The following CDH12 variants were observed in gnomAD, a reference collection of about 807,000 sequenced individuals.
CDH12 encodes cadherin 12.
In CDH12, 41 loss-of-function variants were observed where a neutral mutation model predicts 74.1. The ratio of observed to expected loss-of-function variants is 0.55; its 90% CI spans 0.43 to 0.72. The LOEUF (loss-of-function observed/expected upper bound fraction) is 0.72, where lower values mean the gene tolerates loss of function less well. Among genes scored for constraint, CDH12 ranks in the 30% least tolerant of loss-of-function variants. CDH12 has a pLI of 0.00. For synonymous variants in CDH12, 399 were observed against 355.0 expected (o/e 1.12, Z -1.39); for missense variants, 945 against 977.2 (o/e 0.97, Z 0.44).
intron 6 of CDH12, among the ~76,000 whole-genome samples, chr5:21,965,091 C>T (rs1756521558): frequency 6.6e-6 from 1 of 151,918 alleles, no homozygotes; most frequent in South Asian, 2.1e-4. Context: ...TAAATAAGCA[C>T]TTAATGCTAG....
At chr5:22,701,738 C>T (rs1742725492) in intron 1 of CDH12, among the ~76,000 whole-genome samples, 2 of 152,144 alleles carry the variant, frequency 1.3e-5, no homozygotes, top group African/African-American at 4.8e-5. Context: ...ACACTATCTT[C>T]TGAAAACCTT....
chr5:22,796,426 T>C (rs944304602), intron 1 of CDH12, among the ~76,000 whole-genome samples: 2 of 152,146 alleles, frequency 1.3e-5, no homozygotes, highest in African/African-American at 4.8e-5. Context: ...TGCATTTCAG[T>C]TATTAGTAGG....
At chr5:21,777,919 A>G (rs897421137) in intron 11 of CDH12, among the ~76,000 whole-genome samples, 1 of 152,218 alleles carries the variant, frequency 6.6e-6, no homozygotes, top group Non-Finnish European at 1.5e-5. Flanking sequence ...TAACATATGC[A>G]CTACCTCACA....
intron 3 of CDH12, among the ~76,000 whole-genome samples, chr5:22,275,539 A>G (rs1312947888): frequency 6.6e-6 from 1 of 152,138 alleles, no homozygotes; most frequent in African/African-American, 2.4e-5. Context: ...GTTTTGAGTC[A>G]TGGTAGTTGA....
chr5:22,031,445 T>A (rs1443694910), intron 5 of CDH12, among the ~76,000 whole-genome samples: 1 of 152,204 alleles, frequency 6.6e-6, no homozygotes, highest in Non-Finnish European at 1.5e-5. Context: ...TTTCACTTTA[T>A]TATCATTCAT....
intron 5 of CDH12, among the ~76,000 whole-genome samples, chr5:22,072,590 A>G (rs1357125040): frequency 6.6e-6 from 1 of 150,504 alleles, no homozygotes; most frequent in African/African-American, 2.4e-5. Flanking sequence ...TATTATTATT[A>G]TACTTTAAGT....
intron 1 of CDH12, among the ~76,000 whole-genome samples, chr5:22,519,424 CTTTTT>C (rs373678915): frequency 1.4e-5 from 2 of 140,724 alleles, no homozygotes; most frequent in Non-Finnish European, 1.6e-5. Context: ...TATCCACACT[CTTTTT>C]TTTTTTTTTT....
At chr5:22,180,059 T>A (rs1368630415) in intron 4 of CDH12, among the ~76,000 whole-genome samples, 1 of 152,124 alleles carries the variant, frequency 6.6e-6, no homozygotes, top group Non-Finnish European at 1.5e-5. Flanking sequence ...GGAGATTAGA[T>A]CTCATTAATT....
intron 2 of CDH12, among the ~76,000 whole-genome samples, chr5:22,434,165 T>TA (rs1016052340): frequency 6.6e-6 from 1 of 151,794 alleles, no homozygotes; most frequent in Non-Finnish European, 1.5e-5. Context: ...ATACAAACTC[T>TA]ATAGAGTGTT....
At chr5:22,219,519 T>C (rs1288206139) in intron 3 of CDH12, among the ~76,000 whole-genome samples, 1 of 151,742 alleles carries the variant, frequency 6.6e-6, no homozygotes, top group Non-Finnish European at 1.5e-5. Flanking sequence ...GTGACTGCTA[T>C]CTGCCTTGCT....
intron 2 of CDH12, among the ~76,000 whole-genome samples, chr5:22,461,453 A>T (rs1304600969): frequency 6.6e-6 from 1 of 151,462 alleles, no homozygotes; most frequent in Non-Finnish European, 1.5e-5. Context: ...AATTAAACAC[A>T]TTATGAGTTA....
intron 5 of CDH12, among the ~76,000 whole-genome samples, chr5:22,067,238 T>C (rs1464743391): frequency 6.6e-6 from 1 of 152,196 alleles, no homozygotes; most frequent in Non-Finnish European, 1.5e-5. Flanking sequence ...GTAAAACATT[T>C]ATTTACAAAG....
At position 22,705,498 on chromosome 5, in the gene CDH12, T is replaced by TGCACAC. The variant is rs1047226896; in HGVS notation, c.-523+147554_-523+147559dup. On this transcript the variant is annotated intron_variant, in intron 1 of 14. Transcript: ENST00000382254. ...GGTTTCATTAAGAAATCAACACACATGCACACACACACACACACACACACA... is the reference window on the plus strand; with the variant it reads ...GGTTTCATTAAGAAATCAACACACATGCACACGCACACACACACACACACACACACA... Among the ~76,000 whole-genome samples, 6 of 35,506 alleles carry TGCACAC rather than the reference T, an allele frequency of 1.7e-4. No individual in the cohort carries two copies. In the Admixed American group the frequency reaches 1.8e-3, roughly 10 times the overall value. 23.3% of individuals were successfully genotyped at this position (35,506 alleles called of 152,430 possible). A position where few individuals can be genotyped will look rare whatever the true frequency, so the allele number is the denominator to read the frequency against.
intron 3 of CDH12, among the ~76,000 whole-genome samples, chr5:22,326,368 T>C (rs1002443336): frequency 3.3e-5 from 5 of 152,100 alleles, no homozygotes; most frequent in African/African-American, 1.2e-4. Context: ...CCCGAGTAGC[T>C]GGGACTACAG....
At chr5:21,932,716 T>C (rs1168275577) in intron 6 of CDH12, among the ~76,000 whole-genome samples, 1 of 151,750 alleles carries the variant, frequency 6.6e-6, no homozygotes, top group Non-Finnish European at 1.5e-5. Flanking sequence ...CTGGCCAACA[T>C]GACAAAACCC....
intron 5 of CDH12, among the ~76,000 whole-genome samples, chr5:22,043,704 TG>T (rs1194543687): frequency 1.4e-5 from 2 of 145,070 alleles, no homozygotes; most frequent in African/African-American, 2.6e-5. Context: ...AAAAACTCTA[TG>T]AAAAAAAAAA....
chr5:22,072,869 G>T (rs560032778), intron 5 of CDH12, among the ~76,000 whole-genome samples: 1 of 151,976 alleles, frequency 6.6e-6, no homozygotes, highest in African/African-American at 2.4e-5. Context: ...AATAAACCAT[G>T]ATATTTTCTG....
intron 1 of CDH12, among the ~76,000 whole-genome samples, chr5:22,510,783 C>T (rs1363747470): frequency 4.6e-5 from 7 of 151,902 alleles, no homozygotes; most frequent in Non-Finnish European, 4.4e-5. Flanking sequence ...CAAAAACATA[C>T]GCTCCACAAA....
chr5:22,475,629 T>C (rs1228189759), intron 2 of CDH12, among the ~76,000 whole-genome samples: 1 of 152,006 alleles, frequency 6.6e-6, no homozygotes, highest in Non-Finnish European at 1.5e-5. Flanking sequence ...AAAAGTAAAC[T>C]ATATCCTATA....
Sources: allele counts gnomAD v4.1 joint callset (sites outside exome capture counted in the v4.1 genomes callset), GRCh38; gene constraint gnomAD v4.1.1; transcripts MANE v1.5; gene names NCBI Gene and HGNC (gene_info 2026-07-23, HGNC 2026-07-21).